MN1: variants seen among roughly 807,000 people sequenced by gnomAD.
The protein encoded by MN1 is MN1 proto-oncogene, transcriptional regulator, also known as transcriptional activator MN1.
In MN1, 19 loss-of-function variants were observed where a neutral mutation model predicts 86.9. The ratio of observed to expected loss-of-function variants is 0.22; its 90% CI spans 0.15 to 0.32. The LOEUF is 0.32. Ranked by LOEUF, MN1 falls within the 10% of genes least tolerant of loss-of-function variation. MN1 has a pLI of 1.00. For synonymous variants in MN1, 928 were observed against 849.6 expected (o/e 1.09, Z -1.60); for missense variants, 1,841 against 1,862.0 (o/e 0.99, Z 0.21).
In MN1 at chr22:27,798,892, CGCTGCTGCT is replaced by C; in HGVS notation, c.1643_1651del (p.Gln548_Gln550del). 6.5e-7 allele frequency: 1 copy of C among 1,549,962 alleles called. No homozygotes were observed. On this transcript the variant is annotated inframe_deletion, in exon 1 of 2. Coordinates refer to ENST00000302326, the MANE Select transcript of MN1 (RefSeq NM_002430.3). ...CTTAATCATGAGGGCCGCGTTTTGG[CGCTGCTGCT>C]GCTGCTGCTGTTGCTGTTGCTGTTG...
At position 27,796,916 on chromosome 22, in the gene MN1, C is replaced by T. The variant is rs1403298199; in HGVS notation, c.3628G>A (p.Ala1210Thr). ...GSCCSEAVKSAMSTIDLDSLM... is the reference protein window; with the variant it reads ...GSCCSEAVKSTMSTIDLDSLM... ...GAGTCCAGGTCAATGGTGCTCATGGCGCTCTTGACCGCCTCGGAGCAGCAG... is the reference window on the plus strand; with the variant it reads ...GAGTCCAGGTCAATGGTGCTCATGGTGCTCTTGACCGCCTCGGAGCAGCAG... The change falls in exon 1 of 2, where the codon GCC becomes ACC. Residue 1210 changes from alanine to threonine, a missense_variant. Coordinates refer to ENST00000302326, the MANE Select transcript of MN1 (RefSeq NM_002430.3). The T allele has an allele frequency of 6.2e-7, 1 of 1,612,856 alleles. No individual in the cohort carries two copies. The highest frequency in any genetic ancestry group is 8.5e-7 in the Non-Finnish European group (1 of 1,179,954).
chr22:27,796,679 G>T, intron 1 of MN1, 84 bp downstream of exon 1: 1 of 1,388,432 alleles, frequency 7.2e-7, no homozygotes, highest in Non-Finnish European at 9.7e-7. Context: ...AACCTCAAAG[G>T]ACCCCAAAAG....
rs376840 is a variant in MN1 at position 27,789,294 on chromosome 22, G to T, written c.3781+7469C>A. ...GTCCCAAATACGCCTCCGCCAAGGG[G>T]TCTCCCTGTTTCCCTAAACTATTTC... On this transcript the variant is annotated intron_variant, in intron 1 of 1. Transcript: ENST00000302326. 9.0e-3 allele frequency among the ~76,000 whole-genome samples: 1,373 copies of T among 152,240 alleles called. 12 individuals carry two copies. Among genetic ancestry groups the T allele is most frequent in the Non-Finnish European group, 0.014 (972 of 68,008 alleles).
Position 27,798,907 on chromosome 22 carries a change from T to C in MN1, c.1637A>G (p.Gln546Arg). 2 of 1,448,864 alleles carry C rather than the reference T, an allele frequency of 1.4e-6. No individual in the cohort carries two copies. Among genetic ancestry groups the C allele is most frequent in the South Asian group, 1.2e-5 (1 of 82,286 alleles). 89.8% of individuals were successfully genotyped at this position (1,448,864 alleles called of 1,614,324 possible). The change falls in exon 1 of 2, where the codon CAG becomes CGG. Residue 546 changes from glutamine to arginine, a missense_variant. Gln to Arg is a conservative substitution (Grantham distance 43, BLOSUM62 1). Coordinates refer to ENST00000302326, the MANE Select transcript of MN1 (RefSeq NM_002430.3). The part of the protein sequence containing the change: ...QQQQQQQQQQ[Q>R]QQQQRQNAAL... ...CGCGTTTTGGCGCTGCTGCTGCTGC[T>C]GCTGTTGCTGTTGCTGTTGCTGCTG...
At chr22:27,768,740 A>G (rs1932889729) in intron 1 of MN1, among the ~76,000 whole-genome samples, 2 of 152,190 alleles carry the variant, frequency 1.3e-5, no homozygotes, top group South Asian at 4.2e-4. Context: ...CAGGAGTTTG[A>G]GGCTGCAGTA....
At chr22:27,759,681 C>G (rs1165314112) in intron 1 of MN1, among the ~76,000 whole-genome samples, 1 of 152,210 alleles carries the variant, frequency 6.6e-6, no homozygotes, top group Non-Finnish European at 1.5e-5. Context: ...ACCCTAAGGG[C>G]AGACATGCCC....
In MN1 at chr22:27,751,934, G is replaced by T. The variant is rs573633024; in HGVS notation, c.3782-838C>A. Reference sequence around the variant, plus strand: ...CCTCTGAAGGTTCTGCCCCTCATTGGTGTGCAGGGGCTGAGGCTCCATAGA... The same window carrying T: ...CCTCTGAAGGTTCTGCCCCTCATTGTTGTGCAGGGGCTGAGGCTCCATAGA... On this transcript the variant is annotated intron_variant, in intron 1 of 1. Transcript: ENST00000302326. Among the ~76,000 whole-genome samples, 6 of 152,242 alleles carry T rather than the reference G, an allele frequency of 3.9e-5. No homozygotes were observed. In the East Asian group the frequency reaches 9.7e-4, roughly 25 times the overall value.
intron 1 of MN1, among the ~76,000 whole-genome samples, chr22:27,793,518 A>G (rs1341499124): frequency 6.6e-6 from 1 of 152,048 alleles, no homozygotes; most frequent in African/African-American, 2.4e-5. Context: ...TCCTTTCCAC[A>G]ATCTCACCCT....
At chr22:27,752,810 G>T (rs930866880) in intron 1 of MN1, among the ~76,000 whole-genome samples, 1 of 152,200 alleles carries the variant, frequency 6.6e-6, no homozygotes, top group Admixed American at 6.5e-5. Flanking sequence ...GCTGAAATTG[G>T]GGGTGGGGGG....
chr22:27,762,690 A>C (rs1357640368), intron 1 of MN1, among the ~76,000 whole-genome samples: 1 of 152,096 alleles, frequency 6.6e-6, no homozygotes, highest in Non-Finnish European at 1.5e-5. Context: ...GCTCGCACAG[A>C]AACTGGAGCA....
chr22:27,782,201 G>A (rs894646136), intron 1 of MN1, among the ~76,000 whole-genome samples: 2 of 152,164 alleles, frequency 1.3e-5, no homozygotes, highest in African/African-American at 4.8e-5. Flanking sequence ...AGACCACAGG[G>A]TCTGAATGCC....
chr22:27,800,190 G>A lies in MN1; in HGVS notation c.354C>T (p.Phe118=). The change falls in exon 1 of 2, where the codon TTC becomes TTT. Residue 118 remains phenylalanine (F), a synonymous_variant. Transcript: ENST00000302326. Reference sequence around the variant, plus strand: ...ACGAGGCCCCGGGGTCCGGGCCACCGAAGTTGCCCCCAAAGTGGGGGTGAT... The same window carrying A: ...ACGAGGCCCCGGGGTCCGGGCCACCAAAGTTGCCCCCAAAGTGGGGGTGAT... ...HQHHPHFGGN[F]GGPDPGASCL... The A allele has an allele frequency of 6.4e-7, 1 of 1,552,776 alleles. No individual in the cohort carries two copies. The highest frequency in any genetic ancestry group is 2.0e-5 in the Admixed American group (1 of 50,680).
intron 1 of MN1, among the ~76,000 whole-genome samples, chr22:27,784,091 G>C (rs567637225): frequency 6.6e-6 from 1 of 152,182 alleles, no homozygotes; most frequent in Non-Finnish European, 1.5e-5. Context: ...GAGGGTACTC[G>C]GGAGCTGGAA....
Position 27,796,851 on chromosome 22 carries a change from A to G in MN1, c.3693T>C (p.Ala1231=). The change falls in exon 1 of 2, where the codon GCT becomes GCC. Residue 1231 remains alanine (A), a synonymous_variant. Transcript: ENST00000302326. ...CCGCGCTGTCCACCAGGGCCTTGTC[A>G]GCGGGCATGTACCAGGCAGCGCTGT... ...AEHSAAWYMP[A]DKALVDSADD... is the part of the protein sequence containing the mutation. The G allele has an allele frequency of 6.2e-7, 1 of 1,613,018 alleles. No homozygotes were observed. Among genetic ancestry groups the G allele is most frequent in the Non-Finnish European group, 8.5e-7 (1 of 1,179,992 alleles).
At chr22:27,774,145 T>C (rs189777687) in intron 1 of MN1, among the ~76,000 whole-genome samples, 2 of 152,308 alleles carry the variant, frequency 1.3e-5, no homozygotes, top group African/African-American at 4.8e-5. Context: ...ATTCTAATAA[T>C]AATCCCTGAG....
At chr22:27,796,104 G>T (rs774929537) in intron 1 of MN1, among the ~76,000 whole-genome samples, 22 of 149,322 alleles carry the variant, frequency 1.5e-4, no homozygotes, top group Non-Finnish European at 2.8e-4. Flanking sequence ...GCCCTGAAAA[G>T]GTTCCCTGCC....
chr22:27,754,827 G>A (rs2283844), intron 1 of MN1, among the ~76,000 whole-genome samples: 15,572 of 152,180 alleles, frequency 0.1, 982 homozygotes, highest in East Asian at 0.21. Flanking sequence ...CAGGGTTGGC[G>A]GAGATCATGG....
rs537637320 is a variant in MN1, at chr22:27,783,157, C to T, written c.3781+13606G>A. ...GCTTTTTTTTTTTTTTTTCTTGAGA[C>T]AGAGTCTTGCTCTGTTGCCCAGGCT... On this transcript the variant is annotated intron_variant, in intron 1 of 1. Coordinates refer to ENST00000302326, the MANE Select transcript of MN1 (RefSeq NM_002430.3). Among the ~76,000 whole-genome samples the T allele has an allele frequency of 2.4e-4, 35 of 147,404 alleles. No homozygotes were observed. The South Asian group carries it at 7.2e-3, about 30-fold the overall frequency.
At chr22:27,768,281 G>T (rs1329023826) in intron 1 of MN1, among the ~76,000 whole-genome samples, 3 of 152,120 alleles carry the variant, frequency 2.0e-5, no homozygotes, top group African/African-American at 7.2e-5. Flanking sequence ...TAGGGAGAGA[G>T]TCTGATTCAA....
Sources: allele counts gnomAD v4.1 joint callset (sites outside exome capture counted in the v4.1 genomes callset), GRCh38; gene constraint gnomAD v4.1.1; transcripts MANE v1.5; gene names NCBI Gene and HGNC (gene_info 2026-07-23, HGNC 2026-07-21).